Variants in EMILIN2 observed in about 807,000 individuals in gnomAD.
The protein encoded by EMILIN2 is EMILIN-2.
In EMILIN2, 71 loss-of-function variants were observed where a neutral mutation model predicts 87.1. That is an observed-to-expected ratio of 0.82 (90% confidence interval 0.67 to 0.99). The LOEUF is 0.99. Ranked by LOEUF, EMILIN2 falls within the 50% of genes least tolerant of loss-of-function variation. EMILIN2 has a pLI of 0.00. For missense variants in EMILIN2, 1,407 were observed against 1,371.8 expected (o/e 1.03, Z -0.40); for synonymous variants, 581 against 563.4 (o/e 1.03, Z -0.44).
At chr18:2,908,728 G>A (rs1239003303) in intron 5 of EMILIN2, among the ~76,000 whole-genome samples, 4 of 152,122 alleles carry the variant, frequency 2.6e-5, no homozygotes, top group African/African-American at 9.7e-5. Flanking sequence ...CCCCGCCAGG[G>A]ATAAATGGGC....
At chr18:2,853,845 C>T (rs1273694364) in intron 2 of EMILIN2, among the ~76,000 whole-genome samples, 3 of 152,208 alleles carry the variant, frequency 2.0e-5, no homozygotes, top group Non-Finnish European at 4.4e-5. Flanking sequence ...GAGGGAAGGG[C>T]CTGACATTTC....
chr18:2,883,013 C>T (rs1440648795), intron 2 of EMILIN2, among the ~76,000 whole-genome samples: 1 of 152,146 alleles, frequency 6.6e-6, no homozygotes, highest in East Asian at 1.9e-4. Context: ...GCACTCCAGC[C>T]TGGGCGACCA....
chr18:2,891,667 G>T lies in EMILIN2; in HGVS notation c.1540G>T (p.Ala514Ser), dbSNP rs771415502. 1 of 1,614,166 alleles carries T rather than the reference G, an allele frequency of 6.2e-7. No homozygotes were observed. Among genetic ancestry groups the T allele is most frequent in the South Asian group, 1.1e-5 (1 of 91,090 alleles). ...CCTACAGATGACCAATAACACTGGT[G>T]CAGAGCTCAGTCCCCCAGGGGCAGC... The part of the protein sequence containing the change: ...VLLQMTNNTG[A>S]ELSPPGAAAL... The change falls in exon 4 of 8, where the codon GCA becomes TCA. Residue 514 changes from alanine (A) to serine (S), a missense_variant. Ala to Ser is a moderately conservative substitution (Grantham distance 99). Transcript: ENST00000254528. The surrounding 1 kb of genome is among the most constrained non-coding windows in gnomAD (Gnocchi z 4.6).
At chr18:2,905,262 T>A (rs2076904608) in intron 4 of EMILIN2, among the ~76,000 whole-genome samples, 1 of 121,438 alleles carries the variant, frequency 8.2e-6, no homozygotes, top group Admixed American at 1.0e-4. Context: ...AAACTGCCTC[T>A]CTCAGGGTGT....
intron 2 of EMILIN2, among the ~76,000 whole-genome samples, chr18:2,871,139 C>T (rs1770089217): frequency 6.6e-6 from 1 of 152,164 alleles, no homozygotes; most frequent in Non-Finnish European, 1.5e-5. Context: ...TTCTGGGGGG[C>T]ACACAATTCA....
At chr18:2,902,949 G>A (rs1339549017) in intron 4 of EMILIN2, among the ~76,000 whole-genome samples, 1 of 152,078 alleles carries the variant, frequency 6.6e-6, no homozygotes, top group Non-Finnish European at 1.5e-5. Flanking sequence ...GGTGAGGACA[G>A]GGGAGAAAAT....
At chr18:2,878,930 G>A (rs1424165024) in intron 2 of EMILIN2, among the ~76,000 whole-genome samples, 1 of 152,194 alleles carries the variant, frequency 6.6e-6, no homozygotes, top group East Asian at 1.9e-4. Flanking sequence ...CCCCAAGGGG[G>A]CAACGGGTTT....
chr18:2,859,114 CT>C, intron 2 of EMILIN2, among the ~76,000 whole-genome samples: 1 of 152,230 alleles, frequency 6.6e-6, no homozygotes, highest in African/African-American at 2.4e-5. Flanking sequence ...AATGGTAGTT[CT>C]ACTTTTAGTT....
At chr18:2,852,331 C>T (rs144149391) in intron 2 of EMILIN2, among the ~76,000 whole-genome samples, 42 of 152,238 alleles carry the variant, frequency 2.8e-4, no homozygotes, top group Non-Finnish European at 4.4e-4. Flanking sequence ...CGAGAGTTAT[C>T]GGACATACTG....
chr18:2,888,539 C>T (rs1420958520), intron 3 of EMILIN2, among the ~76,000 whole-genome samples: 1 of 151,842 alleles, frequency 6.6e-6, no homozygotes, highest in Non-Finnish European at 1.5e-5. Context: ...CACAGTGAAA[C>T]CCCATCTCTA....
chr18:2,903,011 C>G (rs2076894880), intron 4 of EMILIN2, among the ~76,000 whole-genome samples: 1 of 152,120 alleles, frequency 6.6e-6, no homozygotes, highest in Non-Finnish European at 1.5e-5. Flanking sequence ...GCTTTGCTGA[C>G]TAACTTATCG....
intron 2 of EMILIN2, among the ~76,000 whole-genome samples, chr18:2,872,654 G>T (rs970532470): frequency 6.6e-6 from 1 of 152,198 alleles, no homozygotes; most frequent in South Asian, 2.1e-4. Context: ...GGCAATCTCA[G>T]TGTGACCTTT....
chr18:2,867,563 T>C (rs1007971037), intron 2 of EMILIN2, among the ~76,000 whole-genome samples: 2 of 152,152 alleles, frequency 1.3e-5, no homozygotes, highest in Non-Finnish European at 1.5e-5. Context: ...TCAACGAGCA[T>C]GCTGCCTTCA....
Position 2,847,705 on chromosome 18 carries a change from C to A in EMILIN2, c.135-104C>A. ...CCCGCCTCCGCAGAGGGCGACGGGCCCCCCCGACCCTCGCTCGGTCTGGTG... is the reference window on the plus strand; with the variant it reads ...CCCGCCTCCGCAGAGGGCGACGGGCACCCCCGACCCTCGCTCGGTCTGGTG... On this transcript the variant is annotated intron_variant, in intron 1 of 7. Transcript: ENST00000254528. The surrounding 1 kb of genome is among the most constrained non-coding windows in gnomAD (Gnocchi z 4.5). 3 of 1,478,218 alleles carry A rather than the reference C, an allele frequency of 2.0e-6. No homozygotes were observed. The highest frequency in any genetic ancestry group is 1.4e-5 in the African/African-American group (1 of 70,830). 91.6% of individuals were successfully genotyped at this position (1,478,218 alleles called of 1,614,324 possible). A position where few individuals can be genotyped will look rare whatever the true frequency, so the allele number is the denominator to read the frequency against.
rs1404704703 is a variant in EMILIN2, at chr18:2,890,395, A to G, written c.434-166A>G. 6.6e-6 allele frequency among the ~76,000 whole-genome samples: 1 copy of G among 152,254 alleles called. No homozygotes were observed. Among genetic ancestry groups the G allele is most frequent in the East Asian group, 1.9e-4 (1 of 5,202 alleles). ...TGCAAGTAGAGGTCTATTTGACTAC[A>G]AAGCCCATACTCTTTTCTACTGTAC... On this transcript the variant is annotated intron_variant, in intron 3 of 7. Transcript: ENST00000254528. The surrounding 1 kb of genome is among the most constrained non-coding windows in gnomAD (Gnocchi z 4.7).
At chr18:2,877,248 A>G (rs770728311) in intron 2 of EMILIN2, among the ~76,000 whole-genome samples, 1 of 152,068 alleles carries the variant, frequency 6.6e-6, no homozygotes, top group Non-Finnish European at 1.5e-5. Context: ...CAAATGGGAA[A>G]TGTTTCTTCC....
chr18:2,847,101 C>T lies in EMILIN2; in HGVS notation c.-88C>T, dbSNP rs1418717378. 8 of 1,069,760 alleles carry T rather than the reference C, an allele frequency of 7.5e-6. No individual in the cohort carries two copies. The highest frequency in any genetic ancestry group is 1.0e-4 in the East Asian group (1 of 9,908). 66.3% of individuals were successfully genotyped at this position (1,069,760 alleles called of 1,614,324 possible). A position where few individuals can be genotyped will look rare whatever the true frequency, so the allele number is the denominator to read the frequency against. On this transcript the variant is annotated 5_prime_UTR_variant, in exon 1 of 8. Transcript: ENST00000254528. This position sits in a 1 kb window ranked among gnomAD's most constrained non-coding sequence, Gnocchi z 4.5. ...CCGAGCCTCTTGCCTTCGCGGGCGG[C>T]GCCCTGGCCGCCGGCAGCCTTGTGG...
At chr18:2,875,979 ATTT>A (rs67505946) in intron 2 of EMILIN2, among the ~76,000 whole-genome samples, 48,757 of 126,728 alleles carry the variant, frequency 0.38, 8,932 homozygotes, top group South Asian at 0.42. Context: ...AGGATTTTAG[ATTT>A]TTTTTTTTTT....
Position 2,906,925 on chromosome 18 carries a change from G to A in EMILIN2, c.2502G>A (p.Arg834=). 1 of 1,395,856 alleles carries A rather than the reference G, an allele frequency of 7.2e-7. No homozygotes were observed. Among genetic ancestry groups the A allele is most frequent in the Non-Finnish European group, 9.3e-7 (1 of 1,072,362 alleles). 86.5% of individuals were successfully genotyped at this position (1,395,856 alleles called of 1,614,324 possible). ...PVLPQRPPEE[R]PPQPPGSTGV... ...TGCCCCAGCGGCCCCCCGAGGAGAG[G>A]CCGCCCCAGCCGCCAGGCTCCACCG... The change falls in exon 5 of 8, where the codon AGG becomes AGA. Residue 834 remains arginine (R), a synonymous_variant. Coordinates refer to ENST00000254528, the MANE Select transcript of EMILIN2 (RefSeq NM_032048.3).
Sources: gnomAD v4.1 joint callset for allele counts (sites outside exome capture counted in the v4.1 genomes callset) on GRCh38, gnomAD v4.1.1 for gene constraint, Gnocchi (gnomAD v3.1) non-coding constraint, MANE v1.5 for transcripts, NCBI Gene and HGNC (gene_info 2026-07-23, HGNC 2026-07-21) for gene names.